The following MAP7D2 variants were observed in gnomAD, a reference collection of about 807,000 sequenced individuals.
MAP7D2 encodes MAP7 domain containing 2, also known as MAP7 domain-containing protein 2.
A neutral mutation model predicts 63.5 loss-of-function variants in MAP7D2; 33 were observed. The observed-to-expected ratio is 0.52, with a 90% CI of 0.39 to 0.70. The LOEUF is 0.70. MAP7D2 is among the 30% of genes least tolerant of loss of function. The pLI is 0.00. For synonymous variants in MAP7D2, 224 were observed against 223.7 expected, an observed-to-expected ratio of 1.00 and a Z score of -0.01; for missense variants, 626 against 604.0, an observed-to-expected ratio of 1.04 and a Z score of -0.38.
Position 20,056,793 on chromosome X carries a change from TAC to T in MAP7D2, c.373-4_373-3del, listed in dbSNP as rs745408702. ...GCGCATCATCGCCTCCAGCCGTTCC[TAC>T]ACAGTTCGTGTAAGGCAAGTGTTAA... is the stretch of plus-strand genomic sequence containing the variant. On this transcript the variant is annotated splice_region_variant and splice_polypyrimidine_tract_variant and intron_variant, in intron 3 of 16. Coordinates refer to ENST00000379643, the MANE Select transcript of MAP7D2 (RefSeq NM_001168465.2). 8.3e-7 allele frequency: 1 copy of T among 1,206,635 alleles called. No homozygotes were observed. Among genetic ancestry groups the T allele is most frequent in the African/African-American group, 1.7e-5 (1 of 57,378 alleles).
At chrX:20,093,773 GT>G (rs2066135288) in intron 1 of MAP7D2, among the ~76,000 whole-genome samples, 1 of 112,165 alleles carries the variant, frequency 8.9e-6, no homozygotes, top group African/African-American at 3.2e-5. Flanking sequence ...GGGGGTTGGG[GT>G]AAAACAAGTA....
chrX:20,111,208 C>G (rs1603411515), intron 1 of MAP7D2, among the ~76,000 whole-genome samples: 1 of 111,629 alleles, frequency 9.0e-6, no homozygotes, highest in South Asian at 3.8e-4. Flanking sequence ...AGCAGCAGAA[C>G]TTCTCCAATA....
chrX:20,031,129 A>G (rs1339906029), intron 8 of MAP7D2, among the ~76,000 whole-genome samples: 1 of 109,310 alleles, frequency 9.1e-6, no homozygotes, highest in Non-Finnish European at 1.9e-5. Flanking sequence ...TCTCTACTAA[A>G]AATACAAAAA....
chrX:20,015,404 T>C lies in MAP7D2; in HGVS notation c.1645-77A>G, dbSNP rs2073352136. 3.7e-6 allele frequency: 3 copies of C among 818,363 alleles called. No individual in the cohort carries two copies. In the African/African-American group the frequency reaches 6.0e-5, roughly 16 times the overall value. The allele number at this position is 818,363 out of a possible 1,213,427, so 67.4% of individuals were successfully genotyped here. A position where few individuals can be genotyped will look rare whatever the true frequency, so the allele number is the denominator to read the frequency against. Reference sequence around the variant, plus strand: ...TGTGGTAATTCCCTGGCTTTGCACATGTTCCTTCATCTCATCATCTGCCCT... The same window carrying C: ...TGTGGTAATTCCCTGGCTTTGCACACGTTCCTTCATCTCATCATCTGCCCT... On this transcript the variant is annotated intron_variant, in intron 11 of 16. Transcript: ENST00000379643.
chrX:20,027,181 G>A (rs2073875550), intron 8 of MAP7D2, among the ~76,000 whole-genome samples: 1 of 111,708 alleles, frequency 9.0e-6, no homozygotes, highest in Non-Finnish European at 1.9e-5. Flanking sequence ...ATTAGGCCTG[G>A]AGCAACTCAG....
At chrX:20,094,041 G>T (rs1255061208) in intron 1 of MAP7D2, among the ~76,000 whole-genome samples, 2 of 111,793 alleles carry the variant, frequency 1.8e-5, no homozygotes, top group African/African-American at 6.5e-5. Flanking sequence ...TGTATAAATG[G>T]CTTGTAATAA....
chrX:20,022,652 G>A (rs180677398), intron 10 of MAP7D2, among the ~76,000 whole-genome samples: 41 of 111,794 alleles, frequency 3.7e-4, no homozygotes, highest in Admixed American at 3.5e-3. Flanking sequence ...AGAGCTGAGA[G>A]TAGCACTGAG....
intron 1 of MAP7D2, among the ~76,000 whole-genome samples, chrX:20,072,269 T>G (rs2065523163): frequency 9.0e-6 from 1 of 111,480 alleles, no homozygotes; most frequent in Admixed American, 9.6e-5. Flanking sequence ...ACACACAGAT[T>G]AATCTTTCCA....
At chrX:20,088,467 A>G (rs1484870377) in intron 1 of MAP7D2, among the ~76,000 whole-genome samples, 6 of 25,040 alleles carry the variant, frequency 2.4e-4, no homozygotes. Flanking sequence ...GCTAATTTTC[A>G]GTTTTTTTTT....
intron 1 of MAP7D2, among the ~76,000 whole-genome samples, chrX:20,077,368 G>C (rs1307846460): frequency 1.8e-5 from 2 of 111,524 alleles, no homozygotes; most frequent in African/African-American, 6.5e-5. Context: ...CACGAGAATT[G>C]CTTGAACCTG....
chrX:20,030,137 T>C (rs1243770721), intron 8 of MAP7D2, among the ~76,000 whole-genome samples: 3 of 112,102 alleles, frequency 2.7e-5, no homozygotes, highest in Non-Finnish European at 3.8e-5. Context: ...TGTATGGAGG[T>C]TTATTCTGAA....
chrX:20,085,490 G>A (rs1396764837), intron 1 of MAP7D2, among the ~76,000 whole-genome samples: 2 of 111,858 alleles, frequency 1.8e-5, no homozygotes, highest in East Asian at 5.6e-4. Context: ...TAACAAGGAA[G>A]GACGTCTGTG....
intron 1 of MAP7D2, among the ~76,000 whole-genome samples, chrX:20,094,504 ATATATATATATG>A (rs1409092427): frequency 0.024 from 537 of 22,063 alleles, 31 homozygotes; most frequent in African/African-American, 0.077. Flanking sequence ...ATATATATAT[ATATATATATATG>A]TATATATATA....
intron 1 of MAP7D2, among the ~76,000 whole-genome samples, chrX:20,113,724 T>C (rs1480718604): frequency 2.7e-5 from 3 of 111,223 alleles, no homozygotes; most frequent in African/African-American, 9.8e-5. Flanking sequence ...GGTGCATATA[T>C]TTCTGGGGTA....
chrX:20,047,896 G>A (rs1273865785), intron 6 of MAP7D2, among the ~76,000 whole-genome samples: 2 of 110,785 alleles, frequency 1.8e-5, no homozygotes, highest in Non-Finnish European at 3.8e-5. Context: ...CAGACCTTCT[G>A]GTTAATGAGA....
Position 20,037,607 on chromosome X carries a change from C to A in MAP7D2, c.1007+4895G>T, listed in dbSNP as rs750663086. Among the ~76,000 whole-genome samples, 67 of 112,086 alleles carry A rather than the reference C, an allele frequency of 6.0e-4. 1 individual carries two copies. Among genetic ancestry groups the A allele is most frequent in the African/African-American group, 2.1e-3 (65 of 30,889 alleles). On this transcript the variant is annotated intron_variant, in intron 8 of 16. Transcript: ENST00000379643. ...GAAATCTTCCCAGTGGGCACAACTCCGAGCACTGCACCTGGTTATGCGCTT... is the reference window on the plus strand; with the variant it reads ...GAAATCTTCCCAGTGGGCACAACTCAGAGCACTGCACCTGGTTATGCGCTT...
chrX:20,056,008 A>C (rs758175660), intron 4 of MAP7D2, among the ~76,000 whole-genome samples: 9 of 112,168 alleles, frequency 8.0e-5, no homozygotes, highest in Non-Finnish European at 1.5e-4. Flanking sequence ...CAATACAGCA[A>C]AGTCAAGAAC....
At chrX:20,056,881 C>T in intron 3 of MAP7D2, 90 bp from the exon 4 acceptor site, 3 of 807,568 alleles carry the variant, frequency 3.7e-6, no homozygotes, top group South Asian at 2.4e-5. Flanking sequence ...TGTGAGTCAC[C>T]AAATGGGGCT....
At position 20,086,337 on chromosome X, in the gene MAP7D2, C is replaced by T. The variant is rs1360632846; in HGVS notation, c.131-21532G>A. 2.7e-5 allele frequency among the ~76,000 whole-genome samples: 3 copies of T among 111,687 alleles called. No individual in the cohort carries two copies. In the South Asian group the frequency reaches 1.1e-3, roughly 42 times the overall value. ...ACCCTGTCCTCCCATTTCAGCTACA[C>T]GGTCCCATTTCAGCTACACGGTCCC... On this transcript the variant is annotated intron_variant, in intron 1 of 16. Coordinates refer to ENST00000379643, the MANE Select transcript of MAP7D2 (RefSeq NM_001168465.2).
Sources: allele counts gnomAD v4.1 joint callset (sites outside exome capture counted in the v4.1 genomes callset), GRCh38; gene constraint gnomAD v4.1.1; transcripts MANE v1.5; gene names NCBI Gene and HGNC (gene_info 2026-07-23, HGNC 2026-07-21).